HSPG2: variants seen among roughly 807,000 people sequenced by gnomAD.
The protein encoded by HSPG2 is heparan sulfate proteoglycan 2.
HSPG2 carries 278 observed loss-of-function variants against 526.6 expected under a neutral mutation model. The observed-to-expected ratio is 0.53, with a 90% CI of 0.48 to 0.58. The LOEUF is 0.58. Among genes scored for constraint, HSPG2 ranks in the 20% least tolerant of loss-of-function variants. The pLI, the probability that HSPG2 is intolerant of heterozygous loss-of-function variation, is 0.00. For synonymous variants in HSPG2, 2,465 were observed against 2,555.4 expected, an observed-to-expected ratio of 0.96 and a Z score of 1.07; for missense variants, 5,354 against 6,099.5, an observed-to-expected ratio of 0.88 and a Z score of 4.07.
At chr1:21,908,645 A>C (rs1456823834) in intron 1 of HSPG2, 2 of 600,394 alleles carry the variant, frequency 3.3e-6, no homozygotes, top group African/African-American at 3.8e-5. Flanking sequence ...TGCTGTGATT[A>C]TCTTTGTTAT....
intron 86 of HSPG2, 168 bp downstream of exon 86, chr1:21,829,825 C>A (rs948957384): frequency 2.7e-6 from 2 of 739,418 alleles, no homozygotes; most frequent in African/African-American, 1.7e-5. Flanking sequence ...GGGGCCCTCA[C>A]TCAATAAGGG....
In HSPG2 at chr1:21,847,590, A is replaced by G. The variant is rs1443646312; in HGVS notation, c.8026-98T>C. On this transcript the variant is annotated intron_variant, in intron 61 of 96. Coordinates refer to ENST00000374695, the MANE Select transcript of HSPG2 (RefSeq NM_005529.7). This position sits in a 1 kb window ranked among gnomAD's most constrained non-coding sequence, Gnocchi z 4.1. ...TCCTGCTCAGCCTGTTGAGGCTGCT[A>G]TCGGTCTACCCAGGGCCCAATCCGT... is the stretch of plus-strand genomic sequence containing the variant. The G allele has an allele frequency of 6.2e-7, 1 of 1,604,058 alleles. No individual in the cohort carries two copies. Among genetic ancestry groups the G allele is most frequent in the African/African-American group, 1.3e-5 (1 of 74,768 alleles).
At chr1:21,912,135 C>G (rs1185965779) in intron 1 of HSPG2, among the ~76,000 whole-genome samples, 1 of 152,116 alleles carries the variant, frequency 6.6e-6, no homozygotes, top group Admixed American at 6.5e-5. Flanking sequence ...CACATGCCAC[C>G]CCATACCACT....
intron 13 of HSPG2, among the ~76,000 whole-genome samples, chr1:21,882,709 C>T (rs1015532190): frequency 6.6e-6 from 1 of 152,122 alleles, no homozygotes; most frequent in East Asian, 1.9e-4. Flanking sequence ...CCACACAGGG[C>T]CAGTGACTGC....
At chr1:21,935,965 C>G (rs964829999) in intron 1 of HSPG2, among the ~76,000 whole-genome samples, 7 of 152,014 alleles carry the variant, frequency 4.6e-5, no homozygotes, top group Admixed American at 2.0e-4. Context: ...GGGGGCTTGA[C>G]GAGTGACTCA....
At position 21,854,752 on chromosome 1, in the gene HSPG2, G is replaced by A. The variant is rs1420628190; in HGVS notation, c.6147C>T (p.Ser2049=). Residue 2049 remains serine (S), a synonymous_variant, in exon 49 of 97, where the codon AGC becomes AGT. Coordinates refer to ENST00000374695, the MANE Select transcript of HSPG2 (RefSeq NM_005529.7). The part of the protein sequence containing the change: ...QVVVLSASDA[S]PPPVKIESSS... ...AGGACTCAATCTTGACCGGCGGTGG[G>A]CTGGCATCTGAGGCTGGGGCCAGAG... The A allele has an allele frequency of 6.2e-7, 1 of 1,613,618 alleles. No individual in the cohort carries two copies. Among genetic ancestry groups the A allele is most frequent in the Non-Finnish European group, 8.5e-7 (1 of 1,179,798 alleles).
chr1:21,855,576 C>G lies in HSPG2; in HGVS notation c.5801G>C (p.Arg1934Pro). 6.3e-7 allele frequency: 1 copy of G among 1,596,268 alleles called. No individual in the cohort carries two copies. The highest frequency in any genetic ancestry group is 1.1e-5 in the South Asian group (1 of 88,708). ...EPTDQAQYLC[R>P]AHSSAGQQVA... Reference sequence around the variant, plus strand: ...CTGCTGCCCAGCGCTGCTGTGGGCTCGGCACAAGTACTGGGCCTGATCCGT... The same window carrying G: ...CTGCTGCCCAGCGCTGCTGTGGGCTGGGCACAAGTACTGGGCCTGATCCGT... The change falls in exon 46 of 97, where the codon CGA (arginine) becomes CCA (proline). Residue 1934 changes from arginine (R) to proline (P), a missense_variant. Transcript: ENST00000374695.
At chr1:21,884,188 C>G (rs1017650201) in intron 13 of HSPG2, among the ~76,000 whole-genome samples, 3 of 152,170 alleles carry the variant, frequency 2.0e-5, no homozygotes, top group Admixed American at 1.3e-4. Flanking sequence ...TTCCACACCC[C>G]CCGACTTTAC....
rs1323080053 is a variant in HSPG2 at position 21,839,280 on chromosome 1, G to A, written c.9889+91C>T. ...ACCCTGCAGCGCCTGGAGACCTCTG[G>A]ATGGGGTTCCTGGGGTTCTGTGTGG... On this transcript the variant is annotated intron_variant, in intron 73 of 96. Coordinates refer to ENST00000374695, the MANE Select transcript of HSPG2 (RefSeq NM_005529.7). This position sits in a 1 kb window ranked among gnomAD's most constrained non-coding sequence, Gnocchi z 4.5. 2.6e-6 allele frequency: 4 copies of A among 1,515,800 alleles called. No homozygotes were observed. In the Admixed American group the frequency reaches 6.7e-5, roughly 25 times the overall value. The allele number at this position is 1,515,800 out of a possible 1,614,324, so 93.9% of individuals were successfully genotyped here. A position where few individuals can be genotyped will look rare whatever the true frequency, so the allele number is the denominator to read the frequency against.
intron 1 of HSPG2, among the ~76,000 whole-genome samples, chr1:21,899,054 G>A (rs896129843): frequency 5.2e-4 from 79 of 152,186 alleles, no homozygotes; most frequent in African/African-American, 1.8e-3. Flanking sequence ...AGAGCACGTC[G>A]GGACTTGGAC....
At chr1:21,896,071 G>A (rs1383219821) in intron 2 of HSPG2, 104 bp downstream of exon 2, 2 of 1,600,218 alleles carry the variant, frequency 1.2e-6, no homozygotes, top group East Asian at 2.2e-5. Context: ...GGACAGGGTT[G>A]AGAAAGCTCG....
chr1:21,900,775 C>T (rs1449201247), intron 1 of HSPG2, among the ~76,000 whole-genome samples: 5 of 152,232 alleles, frequency 3.3e-5, no homozygotes, highest in African/African-American at 1.2e-4. Context: ...GTCCCAACTA[C>T]TCGGGAGGCT....
intron 64 of HSPG2, among the ~76,000 whole-genome samples, chr1:21,844,634 C>T (rs997668670): frequency 6.6e-6 from 1 of 152,254 alleles, no homozygotes; most frequent in Non-Finnish European, 1.5e-5. Context: ...AACCCAGACT[C>T]TGGGGCCAGA....
At chr1:21,897,542 C>T (rs549693825) in intron 1 of HSPG2, among the ~76,000 whole-genome samples, 1 of 152,296 alleles carries the variant, frequency 6.6e-6, no homozygotes, top group African/African-American at 2.4e-5. Context: ...CTCAGGCGAA[C>T]TCCAATGCAT....
Position 21,872,316 on chromosome 1 carries a change from T to C in HSPG2, c.4091A>G (p.Asn1364Ser). ...QGFALVNPQR[N>S]SRLTGEFTVE... Reference sequence around the variant, plus strand: ...AGTGAATTCTCCTGTCAGGCGGCTGTTTCGCTGTGGGTTCACCAGGGCAAA... The same window carrying C: ...AGTGAATTCTCCTGTCAGGCGGCTGCTTCGCTGTGGGTTCACCAGGGCAAA... Residue 1364 changes from asparagine to serine, a missense_variant, in exon 33 of 97, where the codon AAC becomes AGC. Transcript: ENST00000374695. This position sits in a 1 kb window ranked among gnomAD's most constrained non-coding sequence, Gnocchi z 5.5. 4.4e-6 allele frequency: 7 copies of C among 1,576,594 alleles called. No individual in the cohort carries two copies. Among genetic ancestry groups the C allele is most frequent in the Non-Finnish European group, 6.0e-6 (7 of 1,161,004 alleles).
intron 39 of HSPG2, 27 bp from the exon 40 acceptor site, chr1:21,860,262 T>C (rs1287953806): frequency 6.2e-7 from 1 of 1,606,992 alleles, no homozygotes; most frequent in Non-Finnish European, 8.5e-7. Context: ...GGGCCGGCAA[T>C]GTCAGGCCTC....
At chr1:21,900,977 A>C (rs1643068622) in intron 1 of HSPG2, among the ~76,000 whole-genome samples, 1 of 152,130 alleles carries the variant, frequency 6.6e-6, no homozygotes, top group African/African-American at 2.4e-5. Context: ...CTCAGAGGGA[A>C]GAGTCCTGTG....
chr1:21,861,333 G>T (rs181155828), intron 39 of HSPG2, among the ~76,000 whole-genome samples: 497 of 152,196 alleles, frequency 3.3e-3, no homozygotes, highest in South Asian at 0.016. Flanking sequence ...CCATGCAGAG[G>T]GAACAGCATA....
intron 75 of HSPG2, among the ~76,000 whole-genome samples, chr1:21,836,408 G>A (rs958306651): frequency 4.6e-5 from 7 of 152,108 alleles, no homozygotes; most frequent in Non-Finnish European, 1.0e-4. Context: ...TGCAACTTCC[G>A]CCTCCTGGGT....
Sources: allele counts gnomAD v4.1 joint callset (sites outside exome capture counted in the v4.1 genomes callset), GRCh38; gene constraint gnomAD v4.1.1; non-coding constraint Gnocchi (gnomAD v3.1); transcripts MANE v1.5; gene names NCBI Gene and HGNC (gene_info 2026-07-23, HGNC 2026-07-21).